The following DGKB variants were observed in gnomAD, a reference collection of about 807,000 sequenced individuals.
DGKB encodes the protein diacylglycerol kinase beta.
Under a neutral mutation model 114.3 loss-of-function variants are expected in DGKB, and 67 were observed. The ratio of observed to expected loss-of-function variants is 0.59; its 90% CI spans 0.48 to 0.72. The LOEUF is 0.72. DGKB is among the 30% of genes least tolerant of loss of function. The pLI is 0.00. For missense variants in DGKB, 907 were observed against 975.2 expected (o/e 0.93, Z 0.93); for synonymous variants, 398 against 323.1 (o/e 1.23, Z -2.49).
At chr7:14,260,225 A>T (rs577332961) in intron 23 of DGKB, among the ~76,000 whole-genome samples, 2 of 152,322 alleles carry the variant, frequency 1.3e-5, no homozygotes, top group South Asian at 4.1e-4. Context: ...AGGTGCCAAC[A>T]GATGGTTTAC....
At chr7:14,646,919 G>C (rs1029546334) in intron 13 of DGKB, among the ~76,000 whole-genome samples, 12 of 151,120 alleles carry the variant, frequency 7.9e-5, no homozygotes, top group African/African-American at 2.7e-4. Context: ...CAAGAAACTA[G>C]AAAAGCAAGA....
At chr7:14,884,282 A>T (rs11763864) in intron 1 of DGKB, among the ~76,000 whole-genome samples, 30,470 of 151,826 alleles carry the variant, frequency 0.2, 3,414 homozygotes, top group East Asian at 0.43. Flanking sequence ...TTTCTCTTAT[A>T]CTATATCCAT....
chr7:14,779,796 T>A (rs1838792961), intron 2 of DGKB, among the ~76,000 whole-genome samples: 1 of 152,158 alleles, frequency 6.6e-6, no homozygotes, highest in Non-Finnish European at 1.5e-5. Flanking sequence ...GTCTTCTGAT[T>A]GGCACTTTAT....
Position 14,148,299 on chromosome 7 carries a change from C to T in DGKB, c.*832G>A, listed in dbSNP as rs1207619554. 1 of 152,542 alleles carries T rather than the reference C, an allele frequency of 6.6e-6. No individual in the cohort carries two copies. Among genetic ancestry groups the T allele is most frequent in the Non-Finnish European group, 1.5e-5 (1 of 68,014 alleles). 9.4% of individuals were successfully genotyped at this position (152,542 alleles called of 1,614,324 possible). The stretch of plus-strand genomic sequence containing the variant: ...TAATTATGCATTAACCCATTTCTCT[C>T]AAGCATTGTTTTCTGAATCTTTGGT... On this transcript the variant is annotated 3_prime_UTR_variant, in exon 26 of 26. Transcript: ENST00000402815.
At chr7:14,578,980 T>C (rs536808028) in intron 19 of DGKB, among the ~76,000 whole-genome samples, 1 of 152,266 alleles carries the variant, frequency 6.6e-6, no homozygotes, top group South Asian at 2.1e-4. Context: ...CCCACCTGCA[T>C]TCCTTCCTTC....
At chr7:14,277,036 CTA>C (rs1799116297) in intron 23 of DGKB, among the ~76,000 whole-genome samples, 1 of 152,002 alleles carries the variant, frequency 6.6e-6, no homozygotes, top group African/African-American at 2.4e-5. Context: ...TTATTATTGA[CTA>C]TAGTCACTCT....
chr7:14,959,384 T>G (rs184300328), intron 1 of DGKB, among the ~76,000 whole-genome samples: 3 of 152,082 alleles, frequency 2.0e-5, no homozygotes, highest in East Asian at 3.9e-4. Flanking sequence ...TAGAGTTTTT[T>G]TTTTTTAAAT....
At chr7:14,533,660 G>C (rs538017211) in intron 20 of DGKB, among the ~76,000 whole-genome samples, 1 of 151,798 alleles carries the variant, frequency 6.6e-6, no homozygotes, top group South Asian at 2.1e-4. Flanking sequence ...CAAAGACAAA[G>C]AGAGAATTTT....
intron 23 of DGKB, among the ~76,000 whole-genome samples, chr7:14,258,780 A>C (rs1313589499): frequency 6.6e-6 from 1 of 152,208 alleles, no homozygotes; most frequent in African/African-American, 2.4e-5. Context: ...TTATAAATGG[A>C]ATAGTAATCA....
rs551618345 is a variant in DGKB, at chr7:14,689,199, A to ATTTTTTTTTTTTTTTTTTTTT, written c.712-3858_712-3838dup. On this transcript the variant is annotated intron_variant, in intron 9 of 25. Coordinates refer to ENST00000402815, the MANE Select transcript of DGKB (RefSeq NM_001350709.2). ...TGACAATGTGACAGAAACTCCTCTT[A>ATTTTTTTTTTTTTTTTTTTTT]TTTTTTTTTTTTTTTTTTTTTTTTT... Among the ~76,000 whole-genome samples the ATTTTTTTTTTTTTTTTTTTTT allele has an allele frequency of 5.0e-4, 38 of 76,570 alleles. 7 individuals are homozygous for ATTTTTTTTTTTTTTTTTTTTT. Among genetic ancestry groups the ATTTTTTTTTTTTTTTTTTTTT allele is most frequent in the East Asian group, 1.4e-3 (2 of 1,426 alleles). 50.2% of individuals were successfully genotyped at this position (76,570 alleles called of 152,430 possible). A position where few individuals can be genotyped will look rare whatever the true frequency, so the allele number is the denominator to read the frequency against.
chr7:14,347,538 G>T (rs182255915), intron 21 of DGKB, among the ~76,000 whole-genome samples: 1 of 151,948 alleles, frequency 6.6e-6, no homozygotes, highest in South Asian at 2.1e-4. Context: ...AATCTTGCAT[G>T]ATCTCACTTA....
At chr7:14,313,558 T>C (rs1451774400) in intron 23 of DGKB, among the ~76,000 whole-genome samples, 1 of 152,192 alleles carries the variant, frequency 6.6e-6, no homozygotes, top group African/African-American at 2.4e-5. Flanking sequence ...CCCACCCGAA[T>C]ACTGCGCTTT....
At chr7:14,560,090 A>C (rs1009716324) in intron 20 of DGKB, among the ~76,000 whole-genome samples, 2 of 151,922 alleles carry the variant, frequency 1.3e-5, no homozygotes, top group Admixed American at 1.3e-4. Flanking sequence ...TAATTGTGCT[A>C]ATTACATATT....
intron 1 of DGKB, among the ~76,000 whole-genome samples, chr7:14,872,555 G>A (rs1227569061): frequency 6.6e-6 from 1 of 152,018 alleles, no homozygotes; most frequent in Non-Finnish European, 1.5e-5. Flanking sequence ...GATAAATTTT[G>A]GTTAAACGAA....
In DGKB at chr7:14,469,145, C is replaced by A. The variant is rs181446757; in HGVS notation, c.1835+9016G>T. On this transcript the variant is annotated intron_variant, in intron 21 of 25. Transcript: ENST00000402815. ...GAAATATCTTCCCTCTGTAAAGTTA[C>A]AAAGTAGAATTTTTCTCTGGTTTAT... 1.2e-3 allele frequency among the ~76,000 whole-genome samples: 176 copies of A among 152,088 alleles called. 1 individual carries two copies. The highest frequency in any genetic ancestry group is 4.1e-3 in the African/African-American group (170 of 41,550).
intron 17 of DGKB, among the ~76,000 whole-genome samples, chr7:14,596,041 T>G (rs1050321079): frequency 2.0e-5 from 3 of 152,158 alleles, no homozygotes; most frequent in Non-Finnish European, 4.4e-5. Context: ...ATTGTTACGT[T>G]AATAACATGA....
At chr7:14,958,469 AC>A (rs1478598751) in intron 1 of DGKB, among the ~76,000 whole-genome samples, 2 of 146,646 alleles carry the variant, frequency 1.4e-5, no homozygotes, top group Admixed American at 6.9e-5. Context: ...ACACACACAC[AC>A]ACACACCCCG....
intron 23 of DGKB, among the ~76,000 whole-genome samples, chr7:14,210,354 T>G (rs1002076814): frequency 9.2e-5 from 14 of 152,128 alleles, no homozygotes; most frequent in African/African-American, 3.4e-4. Context: ...GCCAGCCAAC[T>G]CTTCAAGACT....
At chr7:14,864,796 A>G (rs1380825522) in intron 1 of DGKB, among the ~76,000 whole-genome samples, 1 of 147,936 alleles carries the variant, frequency 6.8e-6, no homozygotes, top group East Asian at 2.0e-4. Flanking sequence ...GATGATGACA[A>G]AAAAAAAAAA....
Sources: gnomAD v4.1 joint callset for allele counts (sites outside exome capture counted in the v4.1 genomes callset) on GRCh38, gnomAD v4.1.1 for gene constraint, MANE v1.5 for transcripts, NCBI Gene and HGNC (gene_info 2026-07-23, HGNC 2026-07-21) for gene names.